The following PALLD variants were observed in gnomAD, a reference collection of about 807,000 sequenced individuals.
PALLD encodes the protein palladin.
Under a neutral mutation model 123.5 loss-of-function variants are expected in PALLD, and 61 were observed. That is an observed-to-expected ratio of 0.49 (90% CI 0.40 to 0.61). The LOEUF (loss-of-function observed/expected upper bound fraction) is 0.61. Among genes scored for constraint, PALLD ranks in the 20% least tolerant of loss-of-function variants. The pLI, the probability that PALLD is intolerant of heterozygous loss-of-function variation, is 0.00. For missense variants in PALLD, 1,273 were observed against 1,377.0 expected (o/e 0.92, Z 1.20); for synonymous variants, 465 against 496.4 (o/e 0.94, Z 0.84).
Position 168,926,580 on chromosome 4 carries a change from T to G in PALLD, c.*400T>G. 1 of 497,510 alleles carries G rather than the reference T, an allele frequency of 2.0e-6. No individual in the cohort carries two copies. Among genetic ancestry groups the G allele is most frequent in the Non-Finnish European group, 3.5e-6 (1 of 282,408 alleles). The allele number at this position is 497,510 out of a possible 1,614,324, so 30.8% of individuals were successfully genotyped here. Reference sequence around the variant, plus strand: ...GATAATGCTAATACAAATATACACATTGCACAGAAAATACACATTTACTGT... The same window carrying G: ...GATAATGCTAATACAAATATACACAGTGCACAGAAAATACACATTTACTGT... On this transcript the variant is annotated 3_prime_UTR_variant, in exon 22 of 22. Transcript: ENST00000505667.
intron 10 of PALLD, among the ~76,000 whole-genome samples, chr4:168,831,773 A>T (rs11734793): frequency 6.6e-6 from 1 of 152,082 alleles, no homozygotes; most frequent in Admixed American, 6.5e-5. Context: ...AGCCGACAAC[A>T]TATCTATGGG....
intron 2 of PALLD, among the ~76,000 whole-genome samples, chr4:168,600,096 T>C (rs1274872042): frequency 2.5e-5 from 3 of 117,752 alleles, no homozygotes; most frequent in Non-Finnish European, 6.0e-5. Flanking sequence ...TACATGCATG[T>C]GTATGCACAC....
chr4:168,845,070 A>C (rs1237290762), intron 10 of PALLD, among the ~76,000 whole-genome samples: 1 of 143,884 alleles, frequency 7.0e-6, no homozygotes, highest in East Asian at 2.1e-4. Context: ...TGGAGGGGGG[A>C]GGGCTGTGTG....
chr4:168,649,329 T>C (rs1485696503), intron 2 of PALLD, among the ~76,000 whole-genome samples: 1 of 152,246 alleles, frequency 6.6e-6, no homozygotes, highest in Non-Finnish European at 1.5e-5. Context: ...AACATTTGTT[T>C]TCTTTAATCA....
At chr4:168,758,002 T>C (rs1732134994) in intron 10 of PALLD, among the ~76,000 whole-genome samples, 1 of 152,150 alleles carries the variant, frequency 6.6e-6, no homozygotes, top group Non-Finnish European at 1.5e-5. Flanking sequence ...ACCTGGGAGC[T>C]GGAGGTTGCA....
intron 10 of PALLD, among the ~76,000 whole-genome samples, chr4:168,759,205 ATAT>A (rs1732446252): frequency 7.1e-4 from 32 of 45,234 alleles, no homozygotes; most frequent in African/African-American, 4.1e-3. Flanking sequence ...AAAAAAAAAT[ATAT>A]ATATATATAT....
At chr4:168,793,762 A>G (rs1737985149) in intron 10 of PALLD, among the ~76,000 whole-genome samples, 1 of 152,032 alleles carries the variant, frequency 6.6e-6, no homozygotes. Context: ...GTTATCTCCT[A>G]CCCTGTGGTT....
chr4:168,531,871 G>T (rs1391861740), intron 2 of PALLD, among the ~76,000 whole-genome samples: 1 of 152,124 alleles, frequency 6.6e-6, no homozygotes, highest in Non-Finnish European at 1.5e-5. Flanking sequence ...TACAGGGGAA[G>T]GGGAATCTTC....
chr4:168,904,112 T>C (rs1402777945), intron 15 of PALLD: 2 of 577,006 alleles, frequency 3.5e-6, no homozygotes, highest in Non-Finnish European at 6.2e-6. Flanking sequence ...GGTGTTATTC[T>C]ACTCCTTCCA....
chr4:168,847,332 TGG>T (rs1272977595), intron 10 of PALLD, among the ~76,000 whole-genome samples: 33 of 152,194 alleles, frequency 2.2e-4, no homozygotes, highest in African/African-American at 8.0e-4. Context: ...TAATAAAGAA[TGG>T]TTTATACTAT....
chr4:168,515,409 C>T (rs1384645304), intron 2 of PALLD, among the ~76,000 whole-genome samples: 1 of 152,198 alleles, frequency 6.6e-6, no homozygotes, highest in African/African-American at 2.4e-5. Flanking sequence ...TATTGATTGG[C>T]AGGCCATTTC....
Position 168,560,354 on chromosome 4 carries a change from T to C in PALLD, c.908+47942T>C, listed in dbSNP as rs143323419. Among the ~76,000 whole-genome samples the C allele has an allele frequency of 1.6e-4, 24 of 152,292 alleles. No homozygotes were observed. In the East Asian group the frequency reaches 4.4e-3, roughly 28 times the overall value. On this transcript the variant is annotated intron_variant, in intron 2 of 21. Coordinates refer to ENST00000505667, the MANE Select transcript of PALLD (RefSeq NM_001166108.2). ...TGAAGTTCTTCTTGTCCAGTAACACTGCAGCTGGAAACAAGGCAGACGCTG... is the reference window on the plus strand; with the variant it reads ...TGAAGTTCTTCTTGTCCAGTAACACCGCAGCTGGAAACAAGGCAGACGCTG...
intron 2 of PALLD, among the ~76,000 whole-genome samples, chr4:168,569,961 C>A (rs956467133): frequency 2.0e-5 from 3 of 152,078 alleles, no homozygotes; most frequent in African/African-American, 7.2e-5. Context: ...CAATATTGAC[C>A]ACGTTTCCTG....
chr4:168,724,887 C>A (rs1018632808), intron 10 of PALLD, among the ~76,000 whole-genome samples: 2 of 152,164 alleles, frequency 1.3e-5, no homozygotes, highest in Non-Finnish European at 2.9e-5. Context: ...GAGGAAAGGC[C>A]TTCATAAATA....
intron 8 of PALLD, among the ~76,000 whole-genome samples, chr4:168,699,440 T>G (rs967708279): frequency 2.0e-4 from 31 of 152,136 alleles, no homozygotes; most frequent in African/African-American, 7.2e-4. Flanking sequence ...CTTGTTGATT[T>G]TAGCTCAGAG....
chr4:168,566,906 C>A lies in PALLD; in HGVS notation c.908+54494C>A, dbSNP rs575000944. Among the ~76,000 whole-genome samples, 377 of 152,220 alleles carry A rather than the reference C, an allele frequency of 2.5e-3. 3 individuals carry two copies. Among genetic ancestry groups the A allele is most frequent in the Non-Finnish European group, 4.3e-3 (291 of 68,000 alleles). On this transcript the variant is annotated intron_variant, in intron 2 of 21. Coordinates refer to ENST00000505667, the MANE Select transcript of PALLD (RefSeq NM_001166108.2). Reference sequence around the variant, plus strand: ...ATTGGTCAGGCCCAACAGAGATCAGCAAATGCAGTGAAGCCAGAGATACAC... The same window carrying A: ...ATTGGTCAGGCCCAACAGAGATCAGAAAATGCAGTGAAGCCAGAGATACAC...
intron 10 of PALLD, among the ~76,000 whole-genome samples, chr4:168,784,189 A>G (rs1278123345): frequency 3.9e-5 from 6 of 152,140 alleles, no homozygotes; most frequent in East Asian, 3.9e-4. Flanking sequence ...TTCTTAACCA[A>G]TGAAGAGAAA....
intron 2 of PALLD, among the ~76,000 whole-genome samples, chr4:168,535,420 T>C (rs10023122): frequency 0.72 from 109,396 of 152,046 alleles, 39,476 homozygotes; most frequent in East Asian, 0.86. Flanking sequence ...GTCTATACTT[T>C]TTAATTCTTA....
chr4:168,672,572 C>A (rs1283896344), intron 3 of PALLD, among the ~76,000 whole-genome samples: 1 of 152,076 alleles, frequency 6.6e-6, no homozygotes, highest in Non-Finnish European at 1.5e-5. Flanking sequence ...CATTCTCCTG[C>A]CTCAGCCTCC....
Sources: allele counts gnomAD v4.1 joint callset (sites outside exome capture counted in the v4.1 genomes callset), GRCh38; gene constraint gnomAD v4.1.1; transcripts MANE v1.5; gene names NCBI Gene and HGNC (gene_info 2026-07-23, HGNC 2026-07-21).